The following SFXN5 variants were observed in gnomAD, a reference collection of about 807,000 sequenced individuals.
SFXN5 encodes the protein sideroflexin 5.
Under a neutral mutation model 50.2 loss-of-function variants are expected in SFXN5, and 43 were observed. That is an observed-to-expected ratio of 0.86 (90% CI 0.67 to 1.11). SFXN5 has a LOEUF of 1.11. SFXN5 is among the 50% of genes least tolerant of loss of function. SFXN5 has a pLI of 0.00. For missense variants in SFXN5, 463 were observed against 454.1 expected (o/e 1.02, Z -0.18); for synonymous variants, 203 against 185.8 (o/e 1.09, Z -0.75).
intron 2 of SFXN5, chr2:73,058,061 T>C (rs1439766491): frequency 6.5e-6 from 1 of 154,760 alleles, no homozygotes; most frequent in African/African-American, 2.4e-5. Context: ...ACTGCACACA[T>C]AAGAAAGGTA....
intron 10 of SFXN5, among the ~76,000 whole-genome samples, chr2:72,981,965 TTGTGTGTG>T (rs10582006): frequency 1.1e-4 from 16 of 145,714 alleles, no homozygotes; most frequent in East Asian, 6.0e-4. Flanking sequence ...CACTGGAACT[TTGTGTGTG>T]TGTGTGTGTG....
intron 6 of SFXN5, chr2:73,019,938 G>A (rs1475629717): frequency 1.1e-5 from 3 of 283,458 alleles, no homozygotes; most frequent in Non-Finnish European, 6.5e-6. Context: ...AGTTCTTTGA[G>A]AAAACTTCCC....
At position 72,950,567 on chromosome 2, in the gene SFXN5, C is replaced by T. The variant is rs1284217968; in HGVS notation, c.946-5468G>A. On this transcript the variant is annotated intron_variant, in intron 13 of 13. Transcript: ENST00000272433. The surrounding 1 kb of genome is among the most constrained non-coding windows in gnomAD (Gnocchi z 4.2). The stretch of plus-strand genomic sequence containing the variant: ...GGCTGGGGCAGGAACCCCTGAGTTG[C>T]CTGCTCACCTATATGTGATGTTTCC... 6.6e-6 allele frequency among the ~76,000 whole-genome samples: 1 copy of T among 152,162 alleles called. No homozygotes were observed. The highest frequency in any genetic ancestry group is 2.4e-5 in the African/African-American group (1 of 41,442).
Position 73,023,226 on chromosome 2 carries a change from A to G in SFXN5, c.250-12T>C. ...TGTGCACTCCAGAGCTGGAAGAGAG[A>G]TAAAGGAAAAGAAAATAAAGAACAA... On this transcript the variant is annotated splice_polypyrimidine_tract_variant and intron_variant, in intron 3 of 13. Transcript: ENST00000272433. 3 of 1,596,744 alleles carry G rather than the reference A, an allele frequency of 1.9e-6. No individual in the cohort carries two copies. Among genetic ancestry groups the G allele is most frequent in the South Asian group, 1.1e-5 (1 of 88,356 alleles).
At chr2:73,007,977 G>C (rs777422036) in intron 6 of SFXN5, among the ~76,000 whole-genome samples, 1 of 152,168 alleles carries the variant, frequency 6.6e-6, no homozygotes, top group Non-Finnish European at 1.5e-5. Flanking sequence ...CAACATGGCT[G>C]GGGTCTGGTA....
At chr2:72,963,963 G>T (rs1381569602) in intron 12 of SFXN5, among the ~76,000 whole-genome samples, 3 of 152,224 alleles carry the variant, frequency 2.0e-5, no homozygotes, top group African/African-American at 7.2e-5. Flanking sequence ...AGGCAGCCCA[G>T]TGCGCTGGAC....
At position 72,960,048 on chromosome 2, in the gene SFXN5, CG is replaced by C. The variant is rs1673540566; in HGVS notation, c.945+1082del. Among the ~76,000 whole-genome samples the C allele has an allele frequency of 6.6e-6, 1 of 151,990 alleles. No homozygotes were observed. The highest frequency in any genetic ancestry group is 2.4e-5 in the African/African-American group (1 of 41,364). ...CCACCCACCCTGATCACACATGGCCCGGATCTGCCCTCACCACCCTGGCTGC... is the reference window on the plus strand; with the variant it reads ...CCACCCACCCTGATCACACATGGCCCGATCTGCCCTCACCACCCTGGCTGC... On this transcript the variant is annotated intron_variant, in intron 13 of 13. Transcript: ENST00000272433. This position sits in a 1 kb window ranked among gnomAD's most constrained non-coding sequence, Gnocchi z 6.1.
At chr2:73,023,269 C>T (rs1677133756) in intron 3 of SFXN5, 55 bp from the exon 4 acceptor site, 10 of 1,515,352 alleles carry the variant, frequency 6.6e-6, no homozygotes, top group African/African-American at 4.2e-5. Flanking sequence ...AAGCATATAT[C>T]GGTTTAAGGC....
intron 8 of SFXN5, among the ~76,000 whole-genome samples, chr2:72,999,729 C>T (rs1673669147): frequency 6.6e-6 from 1 of 152,126 alleles, no homozygotes; most frequent in Admixed American, 6.5e-5. Flanking sequence ...TCCTATTCCC[C>T]TCCTCTCCCC....
At position 72,949,941 on chromosome 2, in the gene SFXN5, G is replaced by T. The variant is rs566007614; in HGVS notation, c.946-4842C>A. On this transcript the variant is annotated intron_variant, in intron 13 of 13. Transcript: ENST00000272433. Reference sequence around the variant, plus strand: ...GGGAGGGGATGGGCCAGGGTTGGGGGTGGTAGGCTCAGGATGGCCACATGG... The same window carrying T: ...GGGAGGGGATGGGCCAGGGTTGGGGTTGGTAGGCTCAGGATGGCCACATGG... Among the ~76,000 whole-genome samples, 24 of 152,100 alleles carry T rather than the reference G, an allele frequency of 1.6e-4. 1 individual carries two copies. The highest frequency in any genetic ancestry group is 3.1e-4 in the Non-Finnish European group (21 of 68,020).
At chr2:73,059,421 C>T (rs1345432505) in intron 1 of SFXN5, 1 of 985,312 alleles carries the variant, frequency 1.0e-6, no homozygotes, top group East Asian at 1.1e-4. Flanking sequence ...TGGAGCCCCA[C>T]AACTCTCCAA....
chr2:73,027,002 C>T (rs967425549), intron 3 of SFXN5, among the ~76,000 whole-genome samples: 5 of 152,158 alleles, frequency 3.3e-5, no homozygotes, highest in Non-Finnish European at 5.9e-5. Context: ...GCTGGGATTA[C>T]AGGCGTGAGC....
intron 11 of SFXN5, among the ~76,000 whole-genome samples, chr2:72,968,737 T>TC (rs1674782735): frequency 6.6e-6 from 1 of 151,618 alleles, no homozygotes; most frequent in African/African-American, 2.4e-5. Flanking sequence ...CCTCCTTCCC[T>TC]CCCTCCCTCT....
chr2:72,956,897 CT>C (rs1217276835), intron 13 of SFXN5: 1 of 389,348 alleles, frequency 2.6e-6, no homozygotes, highest in Non-Finnish European at 5.3e-6. Flanking sequence ...AAAGAAGAAA[CT>C]GAATACCATG....
rs2105471444 is a variant in SFXN5 at position 72,973,819 on chromosome 2, C to T, written c.626-2134G>A. Among the ~76,000 whole-genome samples the T allele has an allele frequency of 6.6e-6, 1 of 152,298 alleles. No homozygotes were observed. The highest frequency in any genetic ancestry group is 2.1e-4 in the South Asian group (1 of 4,826). On this transcript the variant is annotated intron_variant, in intron 10 of 13. Transcript: ENST00000272433. This position sits in a 1 kb window ranked among gnomAD's most constrained non-coding sequence, Gnocchi z 5.5. ...TGGCCTTAGGGAGGCTATGCATCCC[C>T]CATGCCCTTGGAGCTGCCAGGCTTT...
intron 11 of SFXN5, among the ~76,000 whole-genome samples, chr2:72,969,323 G>T (rs1674870472): frequency 6.6e-6 from 1 of 152,242 alleles, no homozygotes. Context: ...GGCCTGTTGA[G>T]CCAGTGGGGC....
chr2:72,968,122 A>AACACACACACACACAC (rs34361357), intron 12 of SFXN5, among the ~76,000 whole-genome samples: 2 of 137,214 alleles, frequency 1.5e-5, no homozygotes, highest in Non-Finnish European at 3.1e-5. Flanking sequence ...CACACATGAA[A>AACACACACACACACAC]ACACACACAC....
rs1553524691 is a variant in SFXN5 at position 73,052,367 on chromosome 2, T to TGTGTATGC, written c.171+6160_171+6161insGCATACAC. Among the ~76,000 whole-genome samples the TGTGTATGC allele has an allele frequency of 6.2e-5, 9 of 145,658 alleles. No homozygotes were observed. In the East Asian group the frequency reaches 1.0e-3, roughly 16 times the overall value. On this transcript the variant is annotated intron_variant, in intron 2 of 13. Coordinates refer to ENST00000272433, the MANE Select transcript of SFXN5 (RefSeq NM_144579.3). The stretch of plus-strand genomic sequence containing the variant: ...GTGTGTGTGTGTGTATGCGTGTGTG[T>TGTGTATGC]GTGTGTGTGTGTGTGTGTGTGTGTG...
At chr2:73,022,368 C>G (rs1472815395) in intron 5 of SFXN5, among the ~76,000 whole-genome samples, 154 bp downstream of exon 5, 1 of 152,144 alleles carries the variant, frequency 6.6e-6, no homozygotes, top group Non-Finnish European at 1.5e-5. Context: ...GCGCCTTGTA[C>G]AGTTGAGCTG....
Sources: allele counts gnomAD v4.1 joint callset (sites outside exome capture counted in the v4.1 genomes callset), GRCh38; gene constraint gnomAD v4.1.1; non-coding constraint Gnocchi (gnomAD v3.1); transcripts MANE v1.5; gene names NCBI Gene and HGNC (gene_info 2026-07-23, HGNC 2026-07-21).